The following TENM3 variants were observed in gnomAD, a reference collection of about 807,000 sequenced individuals.
The protein encoded by TENM3 is teneurin-3.
Under a neutral mutation model 255.1 loss-of-function variants are expected in TENM3, and 63 were observed. The observed-to-expected ratio is 0.25, with a 90% CI of 0.20 to 0.30. The LOEUF is 0.30. TENM3 is among the 10% of genes least tolerant of loss of function. The pLI is 1.00. For missense variants in TENM3, 2,929 were observed against 3,461.1 expected, an observed-to-expected ratio of 0.85 and a Z score of 3.86; for synonymous variants, 1,306 against 1,322.3, an observed-to-expected ratio of 0.99 and a Z score of 0.27.
At chr4:181,664,260 G>A in the TENM3 span, among the ~76,000 whole-genome samples, 1 of 152,044 alleles carries the variant, frequency 6.6e-6, no homozygotes, top group Non-Finnish European at 1.5e-5. Flanking sequence ...TTGAGGTCAG[G>A]CATCCAAGAC....
intron 1 of TENM3, among the ~76,000 whole-genome samples, chr4:182,209,781 G>GAACATAGCAGCCC (rs1754866362): frequency 6.6e-6 from 1 of 151,994 alleles, no homozygotes. Context: ...GAAGGTGCAC[G>GAACATAGCAGCCC]AACATAGCAG....
chr4:181,700,528 T>C, the TENM3 span, among the ~76,000 whole-genome samples: 1 of 152,226 alleles, frequency 6.6e-6, no homozygotes, highest in East Asian at 1.9e-4. Context: ...TTGCATCTCA[T>C]TTCATTGCTA....
the TENM3 span, among the ~76,000 whole-genome samples, chr4:181,466,070 G>T: frequency 6.6e-6 from 1 of 151,870 alleles, no homozygotes; most frequent in Non-Finnish European, 1.5e-5. Flanking sequence ...CTAAACGTGG[G>T]TGGATAATGC....
chr4:182,059,703 G>C, the TENM3 span, among the ~76,000 whole-genome samples: 1 of 127,534 alleles, frequency 7.8e-6, no homozygotes, highest in Non-Finnish European at 1.6e-5. Flanking sequence ...GAGCTCAGGA[G>C]TTCAAGACCA....
the TENM3 span, among the ~76,000 whole-genome samples, chr4:181,521,400 A>G: frequency 6.6e-6 from 1 of 152,258 alleles, no homozygotes; most frequent in African/African-American, 2.4e-5. Flanking sequence ...TGGTGTACAA[A>G]AATGGCTTGC....
chr4:182,073,762 G>A, the TENM3 span, among the ~76,000 whole-genome samples: 2 of 152,114 alleles, frequency 1.3e-5, no homozygotes, highest in African/African-American at 4.8e-5. Flanking sequence ...CCCCATCTCA[G>A]TCCTTACCCC....
chr4:182,229,102 A>T (rs923714898), intron 1 of TENM3, among the ~76,000 whole-genome samples: 1 of 152,208 alleles, frequency 6.6e-6, no homozygotes, highest in African/African-American at 2.4e-5. Context: ...GCACTTCAGA[A>T]AATATGCCGT....
At chr4:181,754,164 A>G in the TENM3 span, among the ~76,000 whole-genome samples, 1 of 152,170 alleles carries the variant, frequency 6.6e-6, no homozygotes, top group Non-Finnish European at 1.5e-5. Flanking sequence ...TATATTTGAC[A>G]AAAGCGAGTC....
chr4:182,632,846 C>T (rs1751504836), intron 5 of TENM3, among the ~76,000 whole-genome samples: 1 of 151,886 alleles, frequency 6.6e-6, no homozygotes, highest in Admixed American at 6.6e-5. Flanking sequence ...TTTTTGGAGA[C>T]AGGTTCTCAC....
the TENM3 span, among the ~76,000 whole-genome samples, chr4:182,024,131 A>T: frequency 6.6e-6 from 1 of 152,216 alleles, no homozygotes; most frequent in Non-Finnish European, 1.5e-5. Flanking sequence ...CATTCAAAAG[A>T]TTAACTACTG....
the TENM3 span, among the ~76,000 whole-genome samples, chr4:181,973,347 A>G: frequency 1.3e-5 from 2 of 152,126 alleles, no homozygotes; most frequent in African/African-American, 4.8e-5. Flanking sequence ...TAAGCATGAC[A>G]ACTAAGTAAA....
intron 1 of TENM3, among the ~76,000 whole-genome samples, chr4:182,210,613 C>T (rs1248375193): frequency 7.7e-6 from 1 of 129,554 alleles, no homozygotes; most frequent in Non-Finnish European, 1.6e-5. Context: ...TTTTCCCCCT[C>T]TCTAGTTTTT....
chr4:181,721,017 T>C, the TENM3 span, among the ~76,000 whole-genome samples: 1 of 151,680 alleles, frequency 6.6e-6, no homozygotes, highest in Non-Finnish European at 1.5e-5. Flanking sequence ...CTGATCCAGA[T>C]GAGCATGAAG....
chr4:181,930,935 T>C, the TENM3 span, among the ~76,000 whole-genome samples: 2 of 152,200 alleles, frequency 1.3e-5, no homozygotes, highest in Non-Finnish European at 2.9e-5. Context: ...TCTCAATAGA[T>C]GCAGAAAAGG....
At chr4:181,984,732 AAAAG>A in the TENM3 span, among the ~76,000 whole-genome samples, 1 of 151,860 alleles carries the variant, frequency 6.6e-6, no homozygotes, top group Admixed American at 6.6e-5. Context: ...CATAAATTTT[AAAAG>A]AAATACCAAA....
the TENM3 span, among the ~76,000 whole-genome samples, chr4:182,038,975 C>CA: frequency 6.6e-6 from 1 of 152,064 alleles, no homozygotes; most frequent in Non-Finnish European, 1.5e-5. Context: ...TTAAGTGATC[C>CA]ACCCGCCCCG....
chr4:181,782,157 C>G, the TENM3 span, among the ~76,000 whole-genome samples: 1 of 152,104 alleles, frequency 6.6e-6, no homozygotes, highest in Non-Finnish European at 1.5e-5. Flanking sequence ...GGAGGATTCC[C>G]TCTTTTTCTA....
the TENM3 span, among the ~76,000 whole-genome samples, chr4:182,078,931 G>A: frequency 6.6e-6 from 1 of 152,158 alleles, no homozygotes. Flanking sequence ...CCTACTCTTG[G>A]CACCAGCCAC....
chr4:182,379,115 C>T (rs1580350179), intron 3 of TENM3, among the ~76,000 whole-genome samples: 1 of 152,158 alleles, frequency 6.6e-6, no homozygotes, highest in Non-Finnish European at 1.5e-5. Flanking sequence ...TGGTGGCTCA[C>T]GCCTGTAATC....
Sources: gnomAD v4.1 joint callset for allele counts (sites outside exome capture counted in the v4.1 genomes callset) on GRCh38, gnomAD v4.1.1 for gene constraint, MANE v1.5 for transcripts, NCBI Gene and HGNC (gene_info 2026-07-23, HGNC 2026-07-21) for gene names.